The following RYR2 variants were observed in gnomAD, a reference collection of about 807,000 sequenced individuals.
RYR2 encodes the protein cardiac muscle ryanodine receptor-calcium release channel.
Under a neutral mutation model 601.1 loss-of-function variants are expected in RYR2, and 227 were observed. The ratio of observed to expected loss-of-function variants is 0.38; its 90% confidence interval spans 0.34 to 0.42. The LOEUF (loss-of-function observed/expected upper bound fraction) is 0.42, where lower values mean the gene tolerates loss of function less well. Ranked by LOEUF, RYR2 falls within the 10% of genes least tolerant of loss-of-function variation. The pLI is 1.00. For missense variants in RYR2, 4,646 were observed against 6,156.5 expected (o/e 0.75, Z 8.21); for synonymous variants, 2,223 against 2,175.1 (o/e 1.02, Z -0.61).
intron 1 of RYR2, among the ~76,000 whole-genome samples, chr1:237,213,915 C>CTTTTTTTTTTTTTTTTTTTTTTTT (rs71180008): frequency 4.6e-5 from 3 of 65,496 alleles, no homozygotes; most frequent in Non-Finnish European, 5.8e-5. Context: ...TTTTCTTTTT[C>CTTTTTTTTTTTTTTTTTTTTTTTT]TTTTTTTTTT....
intron 2 of RYR2, among the ~76,000 whole-genome samples, chr1:237,281,089 T>C (rs573725400): frequency 2.2e-4 from 33 of 152,172 alleles, no homozygotes; most frequent in Non-Finnish European, 4.0e-4. Context: ...CTGGCCTCTT[T>C]TTAGTATTTT....
At chr1:237,302,953 C>T (rs918012127) in intron 2 of RYR2, among the ~76,000 whole-genome samples, 4 of 152,128 alleles carry the variant, frequency 2.6e-5, no homozygotes, top group Non-Finnish European at 5.9e-5. Flanking sequence ...TGTGTTTCTA[C>T]GCATCCATTT....
At chr1:237,806,035 T>C (rs2149436967) in intron 98 of RYR2, 102 bp from the exon 99 acceptor site, 1 of 991,598 alleles carries the variant, frequency 1.0e-6, no homozygotes, top group South Asian at 1.6e-5. Flanking sequence ...TGAGAACATG[T>C]AGAGTTTAAC....
chr1:237,296,706 AC>A (rs1692816090), intron 2 of RYR2, among the ~76,000 whole-genome samples: 1 of 152,134 alleles, frequency 6.6e-6, no homozygotes, highest in South Asian at 2.1e-4. Context: ...GGTATTTAAA[AC>A]CACAGGTTGG....
intron 5 of RYR2, among the ~76,000 whole-genome samples, chr1:237,368,235 C>T (rs984046519): frequency 1.3e-5 from 2 of 152,080 alleles, no homozygotes; most frequent in African/African-American, 4.8e-5. Context: ...CTTATAAAAA[C>T]TTTATTAAAT....
rs71561885 is a variant in RYR2, at chr1:237,536,714, CAA to C, written c.2906+6225_2906+6226del. On this transcript the variant is annotated intron_variant, in intron 25 of 104. Transcript: ENST00000366574. ...CGGACGACAGAGCGAGATTCCGTCT[CAA>C]AAAAAAAAAAAAAAAAAAAATTAGC... 1.1e-4 allele frequency among the ~76,000 whole-genome samples: 6 copies of C among 54,420 alleles called. 1 individual carries two copies. Among genetic ancestry groups the C allele is most frequent in the African/African-American group, 3.8e-4 (5 of 13,116 alleles). The allele number at this position is 54,420 out of a possible 152,430, so 35.7% of individuals were successfully genotyped here. A position where few individuals can be genotyped will look rare whatever the true frequency, so the allele number is the denominator to read the frequency against.
chr1:237,676,161 C>T (rs1685379425), intron 60 of RYR2, among the ~76,000 whole-genome samples: 1 of 152,064 alleles, frequency 6.6e-6, no homozygotes, highest in Non-Finnish European at 1.5e-5. Flanking sequence ...ACTCCAATAT[C>T]CAGTCTTGTT....
intron 91 of RYR2, among the ~76,000 whole-genome samples, chr1:237,787,757 G>A (rs1423965277): frequency 6.6e-6 from 1 of 151,988 alleles, no homozygotes; most frequent in Non-Finnish European, 1.5e-5. Flanking sequence ...CCTATAAAAT[G>A]TCCTCTATAT....
At chr1:237,631,781 C>T (rs1489302812) in intron 42 of RYR2, among the ~76,000 whole-genome samples, 8 of 151,558 alleles carry the variant, frequency 5.3e-5, no homozygotes, top group African/African-American at 1.5e-4. Flanking sequence ...GCGCCCGCCA[C>T]CTCGCCCGGC....
chr1:237,564,909 C>G (rs1671813834), intron 27 of RYR2, among the ~76,000 whole-genome samples: 1 of 152,192 alleles, frequency 6.6e-6, no homozygotes, highest in Non-Finnish European at 1.5e-5. Flanking sequence ...TTTACTTCAT[C>G]TCATTTTAAA....
At chr1:237,474,003 A>C (rs1661080598) in intron 17 of RYR2, among the ~76,000 whole-genome samples, 1 of 151,946 alleles carries the variant, frequency 6.6e-6, no homozygotes, top group East Asian at 2.0e-4. Context: ...ATAGTGAGGA[A>C]AAAAAGCTGA....
At chr1:237,794,080 C>T in intron 95 of RYR2, 83 bp downstream of exon 95, 3 of 1,260,996 alleles carry the variant, frequency 2.4e-6, no homozygotes, top group South Asian at 2.6e-5. Context: ...GCAGATTTGT[C>T]AAAAGTTTAG....
At chr1:237,643,619 C>T (rs1558127504) in intron 48 of RYR2, among the ~76,000 whole-genome samples, 172 bp downstream of exon 48, 2 of 147,336 alleles carry the variant, frequency 1.4e-5, no homozygotes, top group African/African-American at 2.5e-5. Context: ...TAATTTTTTC[C>T]TTTTTTTTTT....
chr1:237,493,964 T>C (rs1663733198), intron 19 of RYR2, among the ~76,000 whole-genome samples: 1 of 152,098 alleles, frequency 6.6e-6, no homozygotes, highest in Non-Finnish European at 1.5e-5. Context: ...CTAGGAACCA[T>C]GATGATTCAC....
rs147537953 is a variant in RYR2, at chr1:237,558,060, A to G, written c.3214+7369A>G. Among the ~76,000 whole-genome samples, 13 of 152,338 alleles carry G rather than the reference A, an allele frequency of 8.5e-5. No individual in the cohort carries two copies. In the East Asian group the frequency reaches 1.4e-3, roughly 16 times the overall value. ...TAAGGGAGAGAGAGAGGTTGAAAGT[A>G]CAGTAAGAGGAGCTTGATGAGCTGT... is the stretch of plus-strand genomic sequence containing the variant. On this transcript the variant is annotated intron_variant, in intron 27 of 104. Transcript: ENST00000366574.
intron 6 of RYR2, among the ~76,000 whole-genome samples, chr1:237,372,000 G>A (rs150453467): frequency 0.025 from 3,732 of 152,028 alleles, 113 homozygotes; most frequent in African/African-American, 0.072. Flanking sequence ...ACATGTATAC[G>A]TATGTAACAA....
At chr1:237,826,643 TA>T (rs35683566) in intron 101 of RYR2, among the ~76,000 whole-genome samples, 3 of 151,800 alleles carry the variant, frequency 2.0e-5, no homozygotes, top group Non-Finnish European at 2.9e-5. Context: ...TAAAGTATAA[TA>T]AAAAAAGGAC....
intron 2 of RYR2, among the ~76,000 whole-genome samples, chr1:237,318,727 T>C (rs1266000314): frequency 6.6e-6 from 1 of 152,194 alleles, no homozygotes; most frequent in Non-Finnish European, 1.5e-5. Flanking sequence ...CTGCTTTAAA[T>C]ACTTCTATTT....
At chr1:237,104,525 G>A (rs966430273) in intron 1 of RYR2, among the ~76,000 whole-genome samples, 6 of 152,174 alleles carry the variant, frequency 3.9e-5, no homozygotes, top group Non-Finnish European at 5.9e-5. Context: ...GCTTAAATGT[G>A]CTGTGCCTTT....
Sources: allele counts gnomAD v4.1 joint callset (sites outside exome capture counted in the v4.1 genomes callset), GRCh38; gene constraint gnomAD v4.1.1; transcripts MANE v1.5; gene names NCBI Gene and HGNC (gene_info 2026-07-23, HGNC 2026-07-21).